Variants in CNTN6 observed in about 807,000 individuals in gnomAD.
CNTN6 encodes the protein contactin-6.
Under a neutral mutation model 122.8 loss-of-function variants are expected in CNTN6, and 137 were observed. The observed-to-expected ratio is 1.12, with a 90% CI of 0.97 to 1.29. The LOEUF (loss-of-function observed/expected upper bound fraction) is 1.29, where lower values mean the gene tolerates loss of function less well. Among genes scored for constraint, CNTN6 ranks in the 50% most tolerant of loss-of-function variants. The pLI, the probability that CNTN6 is intolerant of heterozygous loss-of-function variation, is 0.00. For synonymous variants in CNTN6, 570 were observed against 426.0 expected (o/e 1.34, Z -4.16); for missense variants, 1,634 against 1,223.4 (o/e 1.34, Z -5.01).
At chr3:1,366,612 C>T (rs1708253375) in intron 12 of CNTN6, among the ~76,000 whole-genome samples, 1 of 152,118 alleles carries the variant, frequency 6.6e-6, no homozygotes, top group Admixed American at 6.6e-5. Flanking sequence ...TGTGCAAGCA[C>T]CAATCTTCCA....
chr3:1,235,458 T>C (rs1021261424), intron 4 of CNTN6, among the ~76,000 whole-genome samples: 17 of 150,656 alleles, frequency 1.1e-4, no homozygotes, highest in Non-Finnish European at 3.0e-5. Flanking sequence ...TAAATAAATA[T>C]ATAATACATA....
chr3:1,332,299 T>G (rs1385801370), intron 11 of CNTN6, among the ~76,000 whole-genome samples: 1 of 151,964 alleles, frequency 6.6e-6, no homozygotes, highest in Non-Finnish European at 1.5e-5. Context: ...TTCTAGCTTG[T>G]CCTTTCTTCT....
intron 4 of CNTN6, among the ~76,000 whole-genome samples, chr3:1,265,381 C>A (rs1033997245): frequency 2.0e-5 from 3 of 152,154 alleles, no homozygotes; most frequent in African/African-American, 7.2e-5. Flanking sequence ...TCCATGACTA[C>A]TTCTGGCTCC....
chr3:1,163,231 G>A (rs1489834085), intron 2 of CNTN6, among the ~76,000 whole-genome samples: 2 of 152,142 alleles, frequency 1.3e-5, no homozygotes, highest in Non-Finnish European at 2.9e-5. Context: ...TATTCCCTTG[G>A]GTAATTATGA....
intron 2 of CNTN6, among the ~76,000 whole-genome samples, chr3:1,190,294 C>T (rs1191966498): frequency 1.3e-5 from 2 of 152,180 alleles, no homozygotes; most frequent in Non-Finnish European, 2.9e-5. Flanking sequence ...GTCCCCACCT[C>T]CAAATACCGT....
At chr3:1,186,031 A>G (rs2093623770) in intron 2 of CNTN6, among the ~76,000 whole-genome samples, 3 of 152,202 alleles carry the variant, frequency 2.0e-5, no homozygotes, top group African/African-American at 7.2e-5. Flanking sequence ...ACAAAAGGGA[A>G]TATAAATGTG....
At chr3:1,230,437 A>G (rs535714989) in intron 4 of CNTN6, among the ~76,000 whole-genome samples, 1 of 152,164 alleles carries the variant, frequency 6.6e-6, no homozygotes, top group Non-Finnish European at 1.5e-5. Context: ...TTCTTTCACT[A>G]TTATTACCTA....
intron 4 of CNTN6, among the ~76,000 whole-genome samples, chr3:1,277,341 G>GTTTT (rs1559684658): frequency 1.5e-5 from 1 of 66,108 alleles, no homozygotes; most frequent in Non-Finnish European, 2.8e-5. Flanking sequence ...CTTTTAGTAG[G>GTTTT]TTTTCTTTTT....
At chr3:1,363,368 ATTTG>A (rs755583187) in intron 12 of CNTN6, among the ~76,000 whole-genome samples, 4 of 151,934 alleles carry the variant, frequency 2.6e-5, no homozygotes, top group Non-Finnish European at 4.4e-5. Context: ...CTCTAGACTT[ATTTG>A]TTCTACATAA....
chr3:1,393,337 C>A (rs1694481503), intron 20 of CNTN6, among the ~76,000 whole-genome samples: 1 of 110,976 alleles, frequency 9.0e-6, no homozygotes, highest in Non-Finnish European at 1.8e-5. Flanking sequence ...TATTCTCACT[C>A]ATAGGTGGGA....
At chr3:1,295,536 A>T in intron 5 of CNTN6, 65 bp from the exon 6 acceptor site, 6 of 1,381,830 alleles carry the variant, frequency 4.3e-6, no homozygotes, top group Non-Finnish European at 6.0e-6. Flanking sequence ...GAATTTTCAG[A>T]TATGAATGAA....
intron 11 of CNTN6, among the ~76,000 whole-genome samples, chr3:1,342,875 G>A (rs564923435): frequency 1.3e-5 from 2 of 152,178 alleles, no homozygotes; most frequent in East Asian, 1.9e-4. Flanking sequence ...GTTGGACAAC[G>A]GGGATTGAAC....
chr3:1,263,592 C>T (rs1005647820), intron 4 of CNTN6, among the ~76,000 whole-genome samples: 5 of 152,106 alleles, frequency 3.3e-5, no homozygotes, highest in Admixed American at 2.0e-4. Flanking sequence ...GTCTTTTGCT[C>T]TCTTCAATTC....
At chr3:1,176,935 C>A (rs1221014682) in intron 2 of CNTN6, among the ~76,000 whole-genome samples, 2 of 152,126 alleles carry the variant, frequency 1.3e-5, no homozygotes, top group Non-Finnish European at 2.9e-5. Context: ...GGTGCACTTT[C>A]TACTACAACC....
intron 1 of CNTN6, among the ~76,000 whole-genome samples, chr3:1,145,570 AAG>A (rs1478092329): frequency 6.6e-6 from 1 of 151,988 alleles, no homozygotes. Flanking sequence ...TTTTGAGAAA[AAG>A]AGTCTATTGA....
At chr3:1,106,778 G>A (rs1386824984) in intron 1 of CNTN6, among the ~76,000 whole-genome samples, 3 of 152,112 alleles carry the variant, frequency 2.0e-5, no homozygotes, top group South Asian at 2.1e-4. Flanking sequence ...CTCATGGTTA[G>A]CCAGAACAAT....
intron 20 of CNTN6, among the ~76,000 whole-genome samples, chr3:1,387,448 C>G (rs990246287): frequency 1.3e-5 from 2 of 152,216 alleles, no homozygotes; most frequent in Non-Finnish European, 2.9e-5. Context: ...CTTCTTTCAG[C>G]TAATCTGCAA....
chr3:1,399,653 C>T (rs1053153535), intron 20 of CNTN6, among the ~76,000 whole-genome samples: 1 of 151,988 alleles, frequency 6.6e-6, no homozygotes, highest in African/African-American at 2.4e-5. Context: ...GCCCAGAGCC[C>T]AGTGCATAAT....
At chr3:1,396,758 TAGA>T (rs1429265738) in intron 20 of CNTN6, among the ~76,000 whole-genome samples, 8 of 152,216 alleles carry the variant, frequency 5.3e-5, no homozygotes, top group African/African-American at 1.9e-4. Flanking sequence ...TTAAGGGTCG[TAGA>T]AGGACATCCA....
Sources: allele counts gnomAD v4.1 joint callset (sites outside exome capture counted in the v4.1 genomes callset), GRCh38; gene constraint gnomAD v4.1.1; transcripts MANE v1.5; gene names NCBI Gene and HGNC (gene_info 2026-07-23, HGNC 2026-07-21).